Variants in PRKN observed in about 807,000 individuals in gnomAD.
The protein encoded by PRKN is E3 ubiquitin-protein ligase parkin.
PRKN carries 56 observed loss-of-function variants against 59.5 expected under a neutral mutation model. The observed-to-expected ratio is 0.94, with a 90% CI of 0.76 to 1.18. PRKN has a LOEUF of 1.18. PRKN is among the 50% of genes most tolerant of loss of function. The probability of loss-of-function intolerance (pLI) is 0.00; values close to 1 mark genes in which losing one functional copy is unlikely to be tolerated. For synonymous variants in PRKN, 250 were observed against 222.1 expected (o/e 1.13, Z -1.12); for missense variants, 657 against 596.4 (o/e 1.10, Z -1.06).
chr6:162,648,458 T>C (rs1447243751), intron 1 of PRKN, among the ~76,000 whole-genome samples: 1 of 151,290 alleles, frequency 6.6e-6, no homozygotes, highest in African/African-American at 2.4e-5. Flanking sequence ...CTTGACTCAC[T>C]GCAACCTCCG....
intron 5 of PRKN, among the ~76,000 whole-genome samples, chr6:162,039,011 C>T (rs948863921): frequency 6.6e-5 from 10 of 152,042 alleles, no homozygotes; most frequent in Admixed American, 5.9e-4. Flanking sequence ...AAAAAATGAG[C>T]CAGGCGTGGT....
chr6:161,375,098 G>A (rs1384619205), intron 10 of PRKN, among the ~76,000 whole-genome samples: 9 of 151,138 alleles, frequency 6.0e-5, no homozygotes, highest in African/African-American at 1.7e-4. Context: ...CCCGCAGGCC[G>A]TGACCCCCAC....
At chr6:161,912,479 G>A (rs573374960) in intron 6 of PRKN, among the ~76,000 whole-genome samples, 4 of 151,460 alleles carry the variant, frequency 2.6e-5, no homozygotes, top group South Asian at 2.1e-4. Context: ...TGTGACGGAC[G>A]CTTCAGAACT....
At chr6:161,616,612 C>A (rs1782705906) in intron 7 of PRKN, among the ~76,000 whole-genome samples, 1 of 151,974 alleles carries the variant, frequency 6.6e-6, no homozygotes, top group Admixed American at 6.5e-5. Flanking sequence ...CTCCCTGTAT[C>A]CATATGTTCT....
At chr6:162,590,425 C>A (rs1409011283) in intron 1 of PRKN, among the ~76,000 whole-genome samples, 2 of 152,188 alleles carry the variant, frequency 1.3e-5, no homozygotes, top group African/African-American at 4.8e-5. Context: ...CAACCTTAAT[C>A]TATCTGCAAA....
intron 7 of PRKN, among the ~76,000 whole-genome samples, chr6:161,696,188 T>C (rs1786016267): frequency 6.6e-6 from 1 of 152,162 alleles, no homozygotes; most frequent in Admixed American, 6.5e-5. Context: ...ATGGTAAGCA[T>C]TATAGAATTT....
rs918940589 is a variant in PRKN at position 161,401,813 on chromosome 6, G to C, written c.1084-14936C>G. Among the ~76,000 whole-genome samples, 1 of 152,156 alleles carries C rather than the reference G, an allele frequency of 6.6e-6. No individual in the cohort carries two copies. Among genetic ancestry groups the C allele is most frequent in the Non-Finnish European group, 1.5e-5 (1 of 68,032 alleles). On this transcript the variant is annotated intron_variant, in intron 9 of 11. Coordinates refer to ENST00000366898, the MANE Select transcript of PRKN (RefSeq NM_004562.3). This position sits in a 1 kb window ranked among gnomAD's most constrained non-coding sequence, Gnocchi z 4.4. ...CTGGATCTCAGATGTTTCTGGCCCA[G>C]AACCTCTGCCCTAAATGATTATTCA...
intron 5 of PRKN, among the ~76,000 whole-genome samples, chr6:162,026,165 T>C (rs773073925): frequency 6.6e-6 from 1 of 152,232 alleles, no homozygotes; most frequent in African/African-American, 2.4e-5. Context: ...TGTTGACATC[T>C]GTGTAACTTT....
intron 5 of PRKN, among the ~76,000 whole-genome samples, chr6:162,047,396 G>A (rs1160764956): frequency 6.6e-6 from 1 of 152,200 alleles, no homozygotes; most frequent in Non-Finnish European, 1.5e-5. Context: ...GTGCAGACGA[G>A]CATGGGCAAC....
intron 6 of PRKN, among the ~76,000 whole-genome samples, chr6:161,880,562 G>A (rs899815036): frequency 2.6e-5 from 4 of 152,148 alleles, no homozygotes; most frequent in African/African-American, 4.8e-5. Context: ...AAGACAGTGC[G>A]GTCACAGCCA....
chr6:162,327,416 G>A (rs558804756), intron 2 of PRKN, among the ~76,000 whole-genome samples: 3 of 152,248 alleles, frequency 2.0e-5, no homozygotes, highest in African/African-American at 7.2e-5. Flanking sequence ...CAAAATCCAA[G>A]AAAGAAGATT....
chr6:161,864,140 A>G (rs959495039), intron 6 of PRKN, among the ~76,000 whole-genome samples: 1 of 152,138 alleles, frequency 6.6e-6, no homozygotes, highest in Non-Finnish European at 1.5e-5. Context: ...TCCTCCTTTC[A>G]TGAAAGATTT....
intron 4 of PRKN, among the ~76,000 whole-genome samples, chr6:162,168,137 A>C (rs1270445367): frequency 3.9e-5 from 6 of 152,152 alleles, no homozygotes; most frequent in African/African-American, 1.4e-4. Context: ...CCAATCAAAG[A>C]ATAAAATATT....
chr6:162,704,974 G>A (rs1012850915), intron 1 of PRKN, among the ~76,000 whole-genome samples: 1 of 152,192 alleles, frequency 6.6e-6, no homozygotes, highest in Non-Finnish European at 1.5e-5. Flanking sequence ...TATAAGAAGT[G>A]TAGCTTCAAT....
intron 7 of PRKN, among the ~76,000 whole-genome samples, chr6:161,669,451 C>T (rs535826419): frequency 6.6e-6 from 1 of 152,292 alleles, no homozygotes; most frequent in South Asian, 2.1e-4. Flanking sequence ...GCTTGGAACA[C>T]CACCTGCTAA....
chr6:161,370,772 G>A (rs1471896389), intron 10 of PRKN, among the ~76,000 whole-genome samples: 1 of 152,116 alleles, frequency 6.6e-6, no homozygotes, highest in Non-Finnish European at 1.5e-5. Flanking sequence ...ATCCATTTAA[G>A]CCTGTTTTCC....
At chr6:162,024,793 G>A (rs1186294292) in intron 5 of PRKN, among the ~76,000 whole-genome samples, 1 of 152,088 alleles carries the variant, frequency 6.6e-6, no homozygotes, top group African/African-American at 2.4e-5. Context: ...TGAGTTCATC[G>A]AAGACCTGAA....
At chr6:161,614,527 G>C (rs1782616964) in intron 7 of PRKN, among the ~76,000 whole-genome samples, 1 of 152,172 alleles carries the variant, frequency 6.6e-6, no homozygotes, top group African/African-American at 2.4e-5. Context: ...TATCTATTTA[G>C]AAGTGCACCA....
chr6:162,339,399 C>T (rs1473197134), intron 2 of PRKN, among the ~76,000 whole-genome samples: 9 of 147,882 alleles, frequency 6.1e-5, no homozygotes, highest in Non-Finnish European at 1.2e-4. Context: ...GGGGGGTCAG[C>T]CCCCCGCCCG....
Sources: gnomAD v4.1 joint callset for allele counts (sites outside exome capture counted in the v4.1 genomes callset) on GRCh38, gnomAD v4.1.1 for gene constraint, Gnocchi (gnomAD v3.1) non-coding constraint, MANE v1.5 for transcripts, NCBI Gene and HGNC (gene_info 2026-07-23, HGNC 2026-07-21) for gene names.